The following SYCP2L variants were observed in gnomAD, a reference collection of about 807,000 sequenced individuals.
SYCP2L encodes synaptonemal complex protein 2 like, also known as synaptonemal complex protein 2-like.
Under a neutral mutation model 125.8 loss-of-function variants are expected in SYCP2L, and 98 were observed. That is an observed-to-expected ratio of 0.78 (90% CI 0.66 to 0.92). The LOEUF (loss-of-function observed/expected upper bound fraction) is 0.92, where lower values mean the gene tolerates loss of function less well. SYCP2L is among the 40% of genes least tolerant of loss of function. The probability of loss-of-function intolerance (pLI) is 0.00; values close to 1 mark genes in which losing one functional copy is unlikely to be tolerated. For synonymous variants in SYCP2L, 317 were observed against 325.4 expected (o/e 0.97, Z 0.28); for missense variants, 842 against 936.4 (o/e 0.90, Z 1.32).
intron 23 of SYCP2L, among the ~76,000 whole-genome samples, chr6:10,944,143 A>G (rs1357319199): frequency 6.6e-6 from 1 of 152,190 alleles, no homozygotes; most frequent in Non-Finnish European, 1.5e-5. Context: ...AAGTGACTGT[A>G]TCTTTTACTT....
intron 24 of SYCP2L, 90 bp downstream of exon 24, chr6:10,955,307 T>TAGTTTTA (rs1372715071): frequency 3.7e-6 from 3 of 805,386 alleles, no homozygotes; most frequent in Non-Finnish European, 4.1e-6. Flanking sequence ...AAGGGAGGTA[T>TAGTTTTA]AGTTTTAAGA....
chr6:10,928,977 C>T (rs574017277), intron 18 of SYCP2L, among the ~76,000 whole-genome samples: 8 of 151,968 alleles, frequency 5.3e-5, no homozygotes, highest in East Asian at 3.9e-4. Context: ...CTGCCACCTC[C>T]GCCTTCTGGG....
intron 23 of SYCP2L, 152 bp downstream of exon 23, chr6:10,942,898 T>C (rs1581837662): frequency 2.5e-5 from 18 of 710,724 alleles, no homozygotes; most frequent in African/African-American, 1.4e-4. Flanking sequence ...AGCTGCTTAC[T>C]AGTTCTAAAT....
chr6:10,942,130 C>T (rs1025828022), intron 21 of SYCP2L, among the ~76,000 whole-genome samples: 182 of 121,454 alleles, frequency 1.5e-3, no homozygotes, highest in African/African-American at 5.4e-3. Flanking sequence ...GGGAACATCA[C>T]ACACTGGGGC....
In SYCP2L at chr6:10,968,206, A is replaced by T. The variant is rs575908721; in HGVS notation, c.*37+4363A>T. 2.6e-5 allele frequency among the ~76,000 whole-genome samples: 4 copies of T among 152,342 alleles called. No individual in the cohort carries two copies. The East Asian group carries it at 7.7e-4, about 29-fold the overall frequency. ...GATGTTGAGAATCAAGACATCTGTG[A>T]TGATAACAGGTTGGGGTGCACATAG... On this transcript the variant is annotated intron_variant, in intron 29 of 29. Transcript: ENST00000283141.
chr6:10,890,689 C>G (rs1302358333), intron 1 of SYCP2L, among the ~76,000 whole-genome samples: 1 of 152,116 alleles, frequency 6.6e-6, no homozygotes, highest in Admixed American at 6.6e-5. Context: ...GCTTTTTGGT[C>G]TGTATAATTT....
intron 23 of SYCP2L, among the ~76,000 whole-genome samples, chr6:10,944,946 T>G (rs1561696695): frequency 6.6e-6 from 1 of 152,220 alleles, no homozygotes; most frequent in Non-Finnish European, 1.5e-5. Context: ...ACTCCTGACC[T>G]CAGGTGATCT....
chr6:10,930,998 C>T (rs937970173), intron 19 of SYCP2L, among the ~76,000 whole-genome samples: 9 of 152,088 alleles, frequency 5.9e-5, no homozygotes, highest in Admixed American at 4.6e-4. Flanking sequence ...TGTGGTGAGA[C>T]CACACCTCTA....
chr6:10,899,351 C>G (rs1780339215), intron 6 of SYCP2L, among the ~76,000 whole-genome samples: 1 of 152,000 alleles, frequency 6.6e-6, no homozygotes, highest in Admixed American at 6.6e-5. Context: ...AGTTTGACAC[C>G]AGCCTGGGCA....
chr6:10,952,400 A>AAT (rs1486450920), intron 23 of SYCP2L, among the ~76,000 whole-genome samples: 2 of 152,192 alleles, frequency 1.3e-5, no homozygotes, highest in Admixed American at 1.3e-4. Context: ...TAGGTTCACA[A>AAT]ATTCCGCATA....
chr6:10,888,189 C>T (rs1250285543), intron 1 of SYCP2L, among the ~76,000 whole-genome samples: 2 of 142,608 alleles, frequency 1.4e-5, no homozygotes, highest in African/African-American at 2.6e-5. Context: ...CTCTGCCTCC[C>T]GGGTTCAAGC....
intron 20 of SYCP2L, among the ~76,000 whole-genome samples, chr6:10,931,824 G>A (rs1384757605): frequency 6.6e-6 from 1 of 152,032 alleles, no homozygotes; most frequent in African/African-American, 2.4e-5. Context: ...AATTAGCCAG[G>A]CGTGGTAGCA....
chr6:10,960,584 A>G (rs1357896337), intron 26 of SYCP2L, among the ~76,000 whole-genome samples: 1 of 152,212 alleles, frequency 6.6e-6, no homozygotes, highest in Non-Finnish European at 1.5e-5. Context: ...TAGAAATGTT[A>G]GAGCTAAAAT....
chr6:10,961,763 T>C lies in SYCP2L; in HGVS notation c.2414+205T>C, dbSNP rs1162143836. Among the ~76,000 whole-genome samples the C allele has an allele frequency of 3.3e-5, 5 of 152,208 alleles. No individual in the cohort carries two copies. The East Asian group carries it at 9.6e-4, about 29-fold the overall frequency. ...CGAGAGGCGTAAATCTTGAAAAGCC[T>C]GATGTCCAATTTTCTGTGTTTTTTT... On this transcript the variant is annotated intron_variant, in intron 28 of 29. Transcript: ENST00000283141.
rs143197256 is a variant in SYCP2L, at chr6:10,973,508, G to C, written c.*38-444G>C. Among the ~76,000 whole-genome samples the C allele has an allele frequency of 3.0e-3, 455 of 152,264 alleles. 4 individuals carry two copies. The highest frequency in any genetic ancestry group is 0.021 in the South Asian group (99 of 4,816). ...GATTGTGCCACTGCACTCCAGCCTT[G>C]CGACAGAGTGAGACTCCATCTCAAA... On this transcript the variant is annotated intron_variant, in intron 29 of 29. Transcript: ENST00000283141.
In SYCP2L at chr6:10,903,089, C is replaced by T. The variant is rs1327000691; in HGVS notation, c.641+126C>T. ...CTCTCTTGGGTAAATGCTTTGTGCA[C>T]CTATTATGTGTCAGGCACTATGCTA... On this transcript the variant is annotated intron_variant, in intron 8 of 29. Transcript: ENST00000283141. 5 of 761,790 alleles carry T rather than the reference C, an allele frequency of 6.6e-6. No homozygotes were observed. In the African/African-American group the frequency reaches 8.8e-5, roughly 13 times the overall value. The allele number at this position is 761,790 out of a possible 1,614,324, so 47.2% of individuals were successfully genotyped here. A position where few individuals can be genotyped will look rare whatever the true frequency, so the allele number is the denominator to read the frequency against.
At chr6:10,956,620 A>G (rs1331906550) in intron 25 of SYCP2L, among the ~76,000 whole-genome samples, 1 of 152,166 alleles carries the variant, frequency 6.6e-6, no homozygotes, top group Non-Finnish European at 1.5e-5. Context: ...TGATTGTGGT[A>G]ATCATTAAAA....
At chr6:10,915,762 G>T (rs1459155681) in intron 14 of SYCP2L, among the ~76,000 whole-genome samples, 1 of 152,152 alleles carries the variant, frequency 6.6e-6, no homozygotes, top group Non-Finnish European at 1.5e-5. Context: ...GTTCATCAGG[G>T]ATATTGGTCT....
intron 20 of SYCP2L, among the ~76,000 whole-genome samples, chr6:10,933,033 C>T (rs1049418458): frequency 8.5e-5 from 13 of 152,194 alleles, no homozygotes; most frequent in African/African-American, 2.7e-4. Context: ...GGATTACAGG[C>T]GTGAGCCACC....
Sources: allele counts gnomAD v4.1 joint callset (sites outside exome capture counted in the v4.1 genomes callset), GRCh38; gene constraint gnomAD v4.1.1; transcripts MANE v1.5; gene names NCBI Gene and HGNC (gene_info 2026-07-23, HGNC 2026-07-21).